S100A16: variants seen among roughly 807,000 people sequenced by gnomAD.
S100A16 encodes protein S100-A16.
In S100A16, 8 loss-of-function variants were observed where a neutral mutation model predicts 9.0. The observed-to-expected ratio is 0.89, with a 90% CI of 0.52 to 1.60. S100A16 has a LOEUF of 1.60. S100A16 is among the 40% of genes most tolerant of loss of function. The pLI is 0.00. For synonymous variants in S100A16, 51 were observed against 51.4 expected, an observed-to-expected ratio of 0.99 and a Z score of 0.04; for missense variants, 138 against 132.4, an observed-to-expected ratio of 1.04 and a Z score of -0.21.
intron 2 of S100A16, 76 bp downstream of exon 2, chr1:153,607,923 G>A: frequency 1.4e-6 from 2 of 1,469,352 alleles, no homozygotes; most frequent in Non-Finnish European, 1.9e-6. Context: ...AGCAGGGAAA[G>A]ACACCCTCAG....
In S100A16 at chr1:153,607,318, G is replaced by A. The variant is rs1666712191; in HGVS notation, c.*216C>T. On this transcript the variant is annotated 3_prime_UTR_variant, in exon 3 of 3. Transcript: ENST00000368706. ...GAGATCTCACAGAGGGGCCCCAAGG[G>A]CCTGCGACTCCAGGAGCTGAGACCC... 3.2e-6 allele frequency: 2 copies of A among 620,558 alleles called. No homozygotes were observed. The highest frequency in any genetic ancestry group is 2.8e-6 in the Non-Finnish European group (1 of 357,820). 38.4% of individuals were successfully genotyped at this position (620,558 alleles called of 1,614,324 possible).
chr1:153,607,966 A>T, intron 2 of S100A16, 33 bp downstream of exon 2: 1 of 1,606,510 alleles, frequency 6.2e-7, no homozygotes, highest in Non-Finnish European at 8.5e-7. Context: ...GGAAGGGGAG[A>T]GGGAGGCAAG....
intron 1 of S100A16, among the ~76,000 whole-genome samples, chr1:153,609,654 A>G (rs1243489195): frequency 1.3e-5 from 2 of 152,162 alleles, no homozygotes; most frequent in African/African-American, 2.4e-5. Context: ...TCCTGGATAT[A>G]CACCACCCCC....
In S100A16 at chr1:153,609,085, C is replaced by T. The variant is rs558816396; in HGVS notation, c.-26-908G>A. 441 of 985,746 alleles carry T rather than the reference C, an allele frequency of 4.5e-4. 1 individual carries two copies. In the Middle Eastern group the frequency reaches 6.3e-3, roughly 14 times the overall value. The allele number at this position is 985,746 out of a possible 1,614,324, so 61.1% of individuals were successfully genotyped here. Reference sequence around the variant, plus strand: ...GGATCTGGATCTACTCTGTGAGTCACGGCCCATGCCCAAAACCCCCCCACA... The same window carrying T: ...GGATCTGGATCTACTCTGTGAGTCATGGCCCATGCCCAAAACCCCCCCACA... On this transcript the variant is annotated intron_variant, in intron 1 of 2. Transcript: ENST00000368706.
At chr1:153,611,441 T>C (rs1452875778) in intron 1 of S100A16, among the ~76,000 whole-genome samples, 3 of 152,084 alleles carry the variant, frequency 2.0e-5, no homozygotes, top group South Asian at 4.2e-4. Flanking sequence ...TCCTGGTCAC[T>C]GTTCTCTCCA....
At chr1:153,611,856 G>GGTTGTGAGGTAA (rs56366330) in intron 1 of S100A16, among the ~76,000 whole-genome samples, 2 of 150,714 alleles carry the variant, frequency 1.3e-5, no homozygotes, top group Non-Finnish European at 3.0e-5. Context: ...GGCCTGCTTG[G>GGTTGTGAGGTAA]CCCTGCCTCA....
rs137911276 is a variant in S100A16 at position 153,608,147 on chromosome 1, G to C, written c.5C>G (p.Ser2Ter). ...CTTCTCCAGCTCCGTGTAGCAGTCT[G>C]ACATCTCCCTGCTTCGCCTGCTGGC... M[S>*]DCYTELEKAV... is the part of the protein sequence containing the mutation. The change falls in exon 2 of 3, where the codon TCA becomes TGA. Residue 2 changes from serine (S) to a stop codon, truncating the protein, a stop_gained. Transcript: ENST00000368706. LOFTEE classifies it high-confidence loss of function. 1.1e-4 allele frequency: 178 copies of C among 1,613,508 alleles called. No homozygotes were observed. Among genetic ancestry groups the C allele is most frequent in the Admixed American group, 2.3e-4 (14 of 59,982 alleles).
rs544944201 is a variant in S100A16 at position 153,612,614 on chromosome 1, C to T, written c.-27+338G>A. 7.9e-5 allele frequency among the ~76,000 whole-genome samples: 12 copies of T among 152,258 alleles called. No individual in the cohort carries two copies. In the East Asian group the frequency reaches 2.1e-3, roughly 27 times the overall value. Reference sequence around the variant, plus strand: ...TGACCACCCCCAACCCAGACCAACACGCATTTGTCCTCTCCTTTTGGGGAG... The same window carrying T: ...TGACCACCCCCAACCCAGACCAACATGCATTTGTCCTCTCCTTTTGGGGAG... On this transcript the variant is annotated intron_variant, in intron 1 of 2. Coordinates refer to ENST00000368706, the MANE Select transcript of S100A16 (RefSeq NM_080388.3).
chr1:153,608,919 A>G (rs1666769850), intron 1 of S100A16: 3 of 985,878 alleles, frequency 3.0e-6, no homozygotes, highest in East Asian at 1.1e-4. Flanking sequence ...GGCCAAGCCC[A>G]GTTACAGCCC....
rs1666741804 is a variant in S100A16, at chr1:153,608,151, T to TC, written c.-1dup. ...TCCAGCTCCGTGTAGCAGTCTGACA[T>TC]CTCCCTGCTTCGCCTGCTGGCGGGG... On this transcript the variant is annotated 5_prime_UTR_variant, in exon 2 of 3. Transcript: ENST00000368706. The TC allele has an allele frequency of 2.5e-6, 4 of 1,613,348 alleles. No individual in the cohort carries two copies. The highest frequency in any genetic ancestry group is 3.4e-6 in the Non-Finnish European group (4 of 1,179,856).
intron 2 of S100A16, 141 bp downstream of exon 2, chr1:153,607,858 C>T: frequency 8.4e-7 from 1 of 1,187,766 alleles, no homozygotes; most frequent in Non-Finnish European, 1.2e-6. Flanking sequence ...AGACAGAGGC[C>T]TGGGGGTGTA....
intron 1 of S100A16, among the ~76,000 whole-genome samples, chr1:153,612,702 G>A (rs1666864658): frequency 6.6e-6 from 1 of 152,144 alleles, no homozygotes; most frequent in South Asian, 2.1e-4. Context: ...TCCGTCAGCT[G>A]CTGCGGCAGG....
At chr1:153,611,440 C>G (rs1218905642) in intron 1 of S100A16, among the ~76,000 whole-genome samples, 1 of 152,052 alleles carries the variant, frequency 6.6e-6, no homozygotes, top group Non-Finnish European at 1.5e-5. Flanking sequence ...CTCCTGGTCA[C>G]TGTTCTCTCC....
At chr1:153,611,883 C>T (rs901415311) in intron 1 of S100A16, among the ~76,000 whole-genome samples, 3 of 150,352 alleles carry the variant, frequency 2.0e-5, no homozygotes, top group Non-Finnish European at 4.4e-5. Flanking sequence ...ACCATCCTCA[C>T]AGGATTCTGC....
At chr1:153,608,226 C>T (rs1666746660) in intron 1 of S100A16, 49 bp from the exon 2 acceptor site, 1 of 1,479,044 alleles carries the variant, frequency 6.8e-7, no homozygotes, top group South Asian at 1.2e-5. Context: ...ACAGGCCATA[C>T]CTCCTCCTCC....
rs751163562 is a variant in S100A16 at position 153,608,183 on chromosome 1, C to T, written c.-26-6G>A. On this transcript the variant is annotated splice_region_variant and splice_polypyrimidine_tract_variant and intron_variant, in intron 1 of 2. Coordinates refer to ENST00000368706, the MANE Select transcript of S100A16 (RefSeq NM_080388.3). ...GCTTCGCCTGCTGGCGGGGCCTGGA[C>T]ACCAGGAGGAGGGGAGATGAGAAGA... The T allele has an allele frequency of 1.6e-5, 25 of 1,609,264 alleles. 1 individual carries two copies. The South Asian group carries it at 2.1e-4, about 14-fold the overall frequency.
chr1:153,606,884 C>T (rs780370099), downstream of S100A16: 19 of 182,060 alleles, frequency 1.0e-4, no homozygotes, highest in Non-Finnish European at 1.5e-4. Context: ...AAGCATAAAA[C>T]GTTTCCAAGG....
At position 153,608,035 on chromosome 1, in the gene S100A16, G is replaced by A. The variant is rs199687860; in HGVS notation, c.117C>T (p.Arg39=). ...VKNKISKSSF[R]EMLQKELNHM... ...GGTTCAGCTCTTTCTGGAGCATCTC[G>A]CGGAAGCTGCTCTTGCTGATCTTGT... Residue 39 remains arginine, a synonymous_variant, in exon 2 of 3, where the codon CGC becomes CGT. Coordinates refer to ENST00000368706, the MANE Select transcript of S100A16 (RefSeq NM_080388.3). The A allele has an allele frequency of 1.4e-4, 230 of 1,614,036 alleles. No individual in the cohort carries two copies. Among genetic ancestry groups the A allele is most frequent in the Middle Eastern group, 6.6e-4 (4 of 6,060 alleles).
rs1571267597 is a variant in S100A16, at chr1:153,608,266, C to A, written c.-26-89G>T. 10 of 1,117,386 alleles carry A rather than the reference C, an allele frequency of 8.9e-6. No individual in the cohort carries two copies. In the East Asian group the frequency reaches 2.5e-4, roughly 27 times the overall value. The allele number at this position is 1,117,386 out of a possible 1,614,324, so 69.2% of individuals were successfully genotyped here. A position where few individuals can be genotyped will look rare whatever the true frequency, so the allele number is the denominator to read the frequency against. On this transcript the variant is annotated intron_variant, in intron 1 of 2. Coordinates refer to ENST00000368706, the MANE Select transcript of S100A16 (RefSeq NM_080388.3). ...CACCCACCCTAGGCCCTGGGTCCCT[C>A]CTCCTGCCTTGTTTCTGGTCCCTGG...
Sources: allele counts gnomAD v4.1 joint callset (sites outside exome capture counted in the v4.1 genomes callset), GRCh38; gene constraint gnomAD v4.1.1; transcripts MANE v1.5; gene names NCBI Gene and HGNC (gene_info 2026-07-23, HGNC 2026-07-21).